Variants in CDH2 observed in about 807,000 individuals in gnomAD.
CDH2 encodes the protein cadherin-2.
CDH2 carries 17 observed loss-of-function variants against 92.0 expected under a neutral mutation model. The observed-to-expected ratio is 0.18, with a 90% confidence interval of 0.13 to 0.28. CDH2 has a LOEUF of 0.28. Ranked by LOEUF, CDH2 falls within the 10% of genes least tolerant of loss-of-function variation. The pLI is 1.00. For missense variants in CDH2, 862 were observed against 1,133.1 expected (o/e 0.76, Z 3.44); for synonymous variants, 419 against 415.9 (o/e 1.01, Z -0.09).
At chr18:27,949,290 ATTT>A (rs759695578), downstream of CDH2, among the ~76,000 whole-genome samples, 36 of 152,110 alleles carry the variant, frequency 2.4e-4, no homozygotes, top group Non-Finnish European at 4.0e-4. Context: ...ATGCTAAAAC[ATTT>A]ATTATTTCAG....
chr18:27,985,585 C>G lies in CDH2; in HGVS notation c.1918G>C (p.Asp640His), dbSNP rs760095602. 1 of 1,613,990 alleles carries G rather than the reference C, an allele frequency of 6.2e-7. No individual in the cohort carries two copies. Among genetic ancestry groups the G allele is most frequent in the Non-Finnish European group, 8.5e-7 (1 of 1,179,928 alleles). ...IDPNAGPFAFDLPLSPVTIKR... is the reference protein window; with the variant it reads ...IDPNAGPFAFHLPLSPVTIKR... The stretch of plus-strand genomic sequence containing the variant: ...ATAGTCACTGGAGATAAAGGAAGAT[C>G]AAAAGCAAATGGTCCAGCATTTGGA... The change falls in exon 12 of 16, where the codon GAT becomes CAT. Residue 640 changes from aspartate (D) to histidine (H), a missense_variant. Coordinates refer to ENST00000269141, the MANE Select transcript of CDH2 (RefSeq NM_001792.5).
chr18:27,961,111 G>A (rs2011392592), intron 15 of CDH2, among the ~76,000 whole-genome samples: 2 of 151,826 alleles, frequency 1.3e-5, no homozygotes, highest in African/African-American at 4.8e-5. Flanking sequence ...GAATTTGAAT[G>A]TAATCTGACA....
At chr18:28,060,126 C>T (rs1198977871) in intron 2 of CDH2, among the ~76,000 whole-genome samples, 3 of 151,960 alleles carry the variant, frequency 2.0e-5, no homozygotes, top group Non-Finnish European at 4.4e-5. Context: ...ATGATCATCA[C>T]TTAGATCCAC....
intron 14 of CDH2, among the ~76,000 whole-genome samples, chr18:27,963,998 C>A (rs531322000): frequency 6.6e-6 from 1 of 152,262 alleles, no homozygotes; most frequent in African/African-American, 2.4e-5. Flanking sequence ...GGTCAGAAAA[C>A]TATGATCTCT....
chr18:28,124,518 T>A (rs1325934603), intron 2 of CDH2, among the ~76,000 whole-genome samples: 1 of 152,118 alleles, frequency 6.6e-6, no homozygotes, highest in Non-Finnish European at 1.5e-5. Context: ...AAAGAAAGCC[T>A]AGTTGTTTTT....
chr18:27,979,011 C>A (rs989989587), intron 14 of CDH2, among the ~76,000 whole-genome samples: 1 of 151,792 alleles, frequency 6.6e-6, no homozygotes, highest in African/African-American at 2.4e-5. Context: ...AAATGATAAA[C>A]TGGACAACAT....
In CDH2 at chr18:28,131,683, G is replaced by GGTGTGTGTGT. The variant is rs33990872; in HGVS notation, c.172+15980_172+15989dup. Among the ~76,000 whole-genome samples, 819 of 150,240 alleles carry GGTGTGTGTGT rather than the reference G, an allele frequency of 5.5e-3. 4 individuals are homozygous for GGTGTGTGTGT. The highest frequency in any genetic ancestry group is 7.7e-3 in the Non-Finnish European group (519 of 67,470). ...AAGATACTGTTCAAAAAGCATTTGT[G>GGTGTGTGTGT]GTGTGTGTGTGTGTGTGTGTGTGTG... On this transcript the variant is annotated intron_variant, in intron 2 of 15. Coordinates refer to ENST00000269141, the MANE Select transcript of CDH2 (RefSeq NM_001792.5).
rs747676491 is a variant in CDH2 at position 27,963,566 on chromosome 18, G to T, written c.2350-45C>A. On this transcript the variant is annotated intron_variant, in intron 14 of 15. Transcript: ENST00000269141. Reference sequence around the variant, plus strand: ...AAAACCGATGGGAGATGGGCACAAAGATAGAAAATTACAACCTCGCTTTTT... The same window carrying T: ...AAAACCGATGGGAGATGGGCACAAATATAGAAAATTACAACCTCGCTTTTT... 4 of 1,577,912 alleles carry T rather than the reference G, an allele frequency of 2.5e-6. No individual in the cohort carries two copies. The Admixed American group carries it at 6.7e-5, about 27-fold the overall frequency.
chr18:28,148,217 C>T (rs1344215260), intron 1 of CDH2, among the ~76,000 whole-genome samples: 1 of 152,100 alleles, frequency 6.6e-6, no homozygotes, highest in Non-Finnish European at 1.5e-5. Context: ...TTCTATAAAA[C>T]TGGTTTCAAG....
At chr18:28,165,936 T>C (rs1479428906) in intron 1 of CDH2, among the ~76,000 whole-genome samples, 1 of 151,570 alleles carries the variant, frequency 6.6e-6, no homozygotes, top group African/African-American at 2.4e-5. Context: ...TCACCACATA[T>C]ACAAAATCCA....
At chr18:28,024,523 C>T (rs114969801) in intron 2 of CDH2, among the ~76,000 whole-genome samples, 5,327 of 149,898 alleles carry the variant, frequency 0.036, 143 homozygotes, top group African/African-American at 0.075. Flanking sequence ...TAAAATAAAG[C>T]GAATAAAAAG....
intron 2 of CDH2, among the ~76,000 whole-genome samples, chr18:28,024,225 C>T (rs1246054148): frequency 2.0e-5 from 3 of 152,030 alleles, no homozygotes; most frequent in Admixed American, 1.3e-4. Context: ...TATAATGGCA[C>T]ATGAATTCCA....
intron 14 of CDH2, among the ~76,000 whole-genome samples, chr18:27,969,739 G>A (rs1193156744): frequency 3.3e-5 from 5 of 152,200 alleles, no homozygotes; most frequent in South Asian, 2.1e-4. Flanking sequence ...CAGCTTGGCC[G>A]GGTGCGGCGG....
intron 1 of CDH2, among the ~76,000 whole-genome samples, chr18:28,163,762 C>T (rs954963564): frequency 6.6e-6 from 1 of 152,156 alleles, no homozygotes; most frequent in Non-Finnish European, 1.5e-5. Flanking sequence ...CAGAAAAATA[C>T]ATTATATATA....
chr18:27,948,337 CTT>C (rs1168318858), downstream of CDH2, among the ~76,000 whole-genome samples: 2 of 151,864 alleles, frequency 1.3e-5, no homozygotes, highest in East Asian at 3.9e-4. Context: ...GAAAACAGAC[CTT>C]TATCTAGAAA....
intron 2 of CDH2, among the ~76,000 whole-genome samples, chr18:28,129,957 C>T (rs755305714): frequency 1.3e-5 from 2 of 152,092 alleles, no homozygotes; most frequent in Non-Finnish European, 2.9e-5. Flanking sequence ...AGAACTGTTG[C>T]AATAATGTGA....
intron 14 of CDH2, among the ~76,000 whole-genome samples, chr18:27,966,484 A>G (rs1181084666): frequency 6.6e-6 from 1 of 152,206 alleles, no homozygotes; most frequent in African/African-American, 2.4e-5. Flanking sequence ...TATAACTCCA[A>G]CTGTATCCAG....
At chr18:28,096,763 T>C (rs900974373) in intron 2 of CDH2, among the ~76,000 whole-genome samples, 3 of 152,184 alleles carry the variant, frequency 2.0e-5, no homozygotes, top group African/African-American at 7.2e-5. Flanking sequence ...AACAAAAATT[T>C]GTTATGAGGA....
At chr18:28,082,882 T>C (rs2014858103) in intron 2 of CDH2, among the ~76,000 whole-genome samples, 2 of 152,206 alleles carry the variant, frequency 1.3e-5, no homozygotes, top group Non-Finnish European at 2.9e-5. Context: ...GGCTGGATTG[T>C]ACCAACTAGA....
Sources: gnomAD v4.1 joint callset for allele counts (sites outside exome capture counted in the v4.1 genomes callset) on GRCh38, gnomAD v4.1.1 for gene constraint, MANE v1.5 for transcripts, NCBI Gene and HGNC (gene_info 2026-07-23, HGNC 2026-07-21) for gene names.